DLG2: variants seen among roughly 807,000 people sequenced by gnomAD.
The protein encoded by DLG2 is discs large MAGUK scaffold protein 2.
Under a neutral mutation model 132.5 loss-of-function variants are expected in DLG2, and 45 were observed. The ratio of observed to expected loss-of-function variants is 0.34; its 90% confidence interval spans 0.27 to 0.44. The LOEUF (loss-of-function observed/expected upper bound fraction) is 0.44, where lower values mean the gene tolerates loss of function less well. Ranked by LOEUF, DLG2 falls within the 20% of genes least tolerant of loss-of-function variation. DLG2 has a pLI of 1.00. For synonymous variants in DLG2, 424 were observed against 419.6 expected (o/e 1.01, Z -0.13); for missense variants, 1,045 against 1,196.9 (o/e 0.87, Z 1.87).
chr11:83,855,976 C>T (rs2154037706), intron 16 of DLG2, among the ~76,000 whole-genome samples: 1 of 152,284 alleles, frequency 6.6e-6, no homozygotes, highest in East Asian at 1.9e-4. Flanking sequence ...TCCTGATCCT[C>T]TCCCTCCTCC....
chr11:84,753,688 G>T (rs1442337240), intron 6 of DLG2, among the ~76,000 whole-genome samples: 1 of 152,210 alleles, frequency 6.6e-6, no homozygotes, highest in East Asian at 1.9e-4. Context: ...GGAGTTATAA[G>T]AACGTGTAAC....
intron 3 of DLG2, among the ~76,000 whole-genome samples, chr11:85,443,059 A>C (rs2091859271): frequency 6.6e-6 from 1 of 152,246 alleles, no homozygotes; most frequent in African/African-American, 2.4e-5. Context: ...AAATGATTCC[A>C]ATAGAAAATA....
chr11:85,494,183 G>A (rs1261149015), intron 3 of DLG2, among the ~76,000 whole-genome samples: 4 of 152,144 alleles, frequency 2.6e-5, no homozygotes, highest in South Asian at 4.1e-4. Context: ...GTTTCAACAT[G>A]ACTGTTGGAG....
At chr11:85,225,598 C>A (rs2074927257) in intron 4 of DLG2, among the ~76,000 whole-genome samples, 1 of 152,040 alleles carries the variant, frequency 6.6e-6, no homozygotes, top group South Asian at 2.1e-4. Flanking sequence ...ATTTCTTTCT[C>A]TCCACTGACT....
At chr11:84,216,781 C>G (rs1015077676) in intron 8 of DLG2, among the ~76,000 whole-genome samples, 1 of 152,136 alleles carries the variant, frequency 6.6e-6, no homozygotes, top group Admixed American at 6.6e-5. Context: ...TTATATTGCT[C>G]ATAGTAATTC....
chr11:84,732,750 C>T (rs1001030212), intron 6 of DLG2, among the ~76,000 whole-genome samples: 2 of 151,700 alleles, frequency 1.3e-5, no homozygotes, highest in Non-Finnish European at 2.9e-5. Context: ...CCCATTAACT[C>T]GTCATTTACA....
chr11:84,305,866 T>A (rs1459085508), intron 7 of DLG2, among the ~76,000 whole-genome samples: 1 of 152,146 alleles, frequency 6.6e-6, no homozygotes, highest in Non-Finnish European at 1.5e-5. Context: ...TCTGACTTGA[T>A]GATGTCAAGT....
intron 6 of DLG2, among the ~76,000 whole-genome samples, chr11:84,724,310 C>G (rs2062159704): frequency 6.6e-6 from 1 of 152,232 alleles, no homozygotes; most frequent in Non-Finnish European, 1.5e-5. Context: ...ATTTGAGAAA[C>G]CATTTTGTTC....
intron 7 of DLG2, among the ~76,000 whole-genome samples, chr11:84,503,827 A>C (rs1334561734): frequency 6.6e-6 from 1 of 152,244 alleles, no homozygotes; most frequent in Non-Finnish European, 1.5e-5. Context: ...TCACTGCATC[A>C]TTCTTAACTT....
At chr11:84,611,139 G>A (rs1027479653) in intron 6 of DLG2, among the ~76,000 whole-genome samples, 4 of 150,752 alleles carry the variant, frequency 2.7e-5, no homozygotes, top group African/African-American at 9.8e-5. Flanking sequence ...TTTACTTACC[G>A]GCTTCTCAAA....
At chr11:83,917,902 C>T (rs76537667) in intron 15 of DLG2, among the ~76,000 whole-genome samples, 2,772 of 152,190 alleles carry the variant, frequency 0.018, 88 homozygotes, top group African/African-American at 0.063. Flanking sequence ...ATCTACAATT[C>T]GATTCTGGCT....
intron 6 of DLG2, among the ~76,000 whole-genome samples, chr11:84,654,413 G>A (rs1425931664): frequency 6.6e-6 from 1 of 152,074 alleles, no homozygotes; most frequent in Non-Finnish European, 1.5e-5. Context: ...CTTTCCTGGG[G>A]GGAGGGACTA....
At chr11:84,739,181 A>T (rs1201077163) in intron 6 of DLG2, among the ~76,000 whole-genome samples, 1 of 152,194 alleles carries the variant, frequency 6.6e-6, no homozygotes, top group Non-Finnish European at 1.5e-5. Context: ...TATTTAAAAA[A>T]GATTCATTTT....
intron 8 of DLG2, chr11:84,166,801 AAACAATCCATTGTTG>A (rs2154265663): frequency 7.2e-6 from 3 of 414,130 alleles, no homozygotes; most frequent in South Asian, 5.8e-5. Flanking sequence ...GGTGGTTTGC[AAACAATCCATTGTTG>A]TTTGAACTTG....
intron 18 of DLG2, among the ~76,000 whole-genome samples, chr11:83,666,193 C>T (rs2075510009): frequency 6.6e-6 from 1 of 152,152 alleles, no homozygotes; most frequent in Admixed American, 6.5e-5. Context: ...TCTCTTATCT[C>T]TTTAAAGGCT....
intron 6 of DLG2, chr11:84,923,228 A>T (rs1398129957): frequency 1.3e-6 from 2 of 1,566,408 alleles, no homozygotes; most frequent in African/African-American, 2.7e-5. Flanking sequence ...TCCCTCTGTC[A>T]GTTTGAAAAT....
chr11:84,853,550 T>C (rs1460135088), intron 6 of DLG2, among the ~76,000 whole-genome samples: 1 of 152,036 alleles, frequency 6.6e-6, no homozygotes, highest in African/African-American at 2.4e-5. Flanking sequence ...ATCTGTTCTC[T>C]CATGTATTAA....
rs141264058 is a variant in DLG2, at chr11:84,789,932, T to C, written c.358-255201A>G. ...GTCAGGATCTCATTCCTTTTTATAG[T>C]TGAACAGTACTCCATTGTGTATATG... On this transcript the variant is annotated intron_variant, in intron 6 of 27. Transcript: ENST00000376104. Among the ~76,000 whole-genome samples the C allele has an allele frequency of 3.9e-5, 6 of 152,312 alleles. No homozygotes were observed. In the East Asian group the frequency reaches 1.2e-3, roughly 29 times the overall value.
intron 15 of DLG2, among the ~76,000 whole-genome samples, chr11:83,885,602 A>G (rs1460435581): frequency 6.6e-6 from 1 of 152,160 alleles, no homozygotes; most frequent in African/African-American, 2.4e-5. Flanking sequence ...AGAGAACGCC[A>G]CAAAGATACT....
Sources: gnomAD v4.1 joint callset for allele counts (sites outside exome capture counted in the v4.1 genomes callset) on GRCh38, gnomAD v4.1.1 for gene constraint, MANE v1.5 for transcripts, NCBI Gene and HGNC (gene_info 2026-07-23, HGNC 2026-07-21) for gene names.